The following GRAMD1C variants were observed in gnomAD, a reference collection of about 807,000 sequenced individuals.
The protein encoded by GRAMD1C is protein Aster-C.
In GRAMD1C, 89 loss-of-function variants were observed where a neutral mutation model predicts 97.8. The ratio of observed to expected loss-of-function variants is 0.91; its 90% confidence interval spans 0.77 to 1.09. GRAMD1C has a LOEUF of 1.09. Ranked by LOEUF, GRAMD1C falls within the 50% of genes least tolerant of loss-of-function variation. The pLI is 0.00. For missense variants in GRAMD1C, 740 were observed against 766.4 expected, an observed-to-expected ratio of 0.97 and a Z score of 0.41; for synonymous variants, 256 against 267.0, an observed-to-expected ratio of 0.96 and a Z score of 0.40.
At chr3:113,850,861 GT>G (rs1933869846) in intron 2 of GRAMD1C, 1 of 341,298 alleles carries the variant, frequency 2.9e-6, no homozygotes, top group South Asian at 8.6e-5. Flanking sequence ...GAGTGCAGTG[GT>G]GTGATCTTGG....
chr3:113,900,409 A>AATTATTATT lies in GRAMD1C; in HGVS notation c.541-603_541-595dup, dbSNP rs146979804. Among the ~76,000 whole-genome samples, 1,287 of 137,494 alleles carry AATTATTATT rather than the reference A, an allele frequency of 9.4e-3. 8 individuals are homozygous for AATTATTATT. Among genetic ancestry groups the AATTATTATT allele is most frequent in the African/African-American group, 0.018 (653 of 36,564 alleles). 90.2% of individuals were successfully genotyped at this position (137,494 alleles called of 152,430 possible). A position where few individuals can be genotyped will look rare whatever the true frequency, so the allele number is the denominator to read the frequency against. ...CAGTAATTACCAGAAAGTATGAACA[A>AATTATTATT]ATTATTATTATTATTATTATTATTA... On this transcript the variant is annotated intron_variant, in intron 6 of 17. Coordinates refer to ENST00000358160, the MANE Select transcript of GRAMD1C (RefSeq NM_017577.5).
chr3:113,849,921 G>C (rs1284558649), intron 2 of GRAMD1C, among the ~76,000 whole-genome samples: 1 of 134,502 alleles, frequency 7.4e-6, no homozygotes, highest in Non-Finnish European at 1.7e-5. Context: ...CAGGCGGGGG[G>C]GCTGACCCCC....
At chr3:113,919,509 T>C in intron 10 of GRAMD1C, 1 of 541,296 alleles carries the variant, frequency 1.8e-6, no homozygotes, top group South Asian at 1.4e-5. Context: ...GAACTAGCCT[T>C]ACCTGGAGAA....
chr3:113,869,459 A>G, intron 2 of GRAMD1C, 48 bp from the exon 3 acceptor site: 2 of 869,546 alleles, frequency 2.3e-6, no homozygotes, highest in Non-Finnish European at 3.8e-6. Context: ...ATTTTCTAGG[A>G]CACTATAATT....
At chr3:113,933,188 T>C (rs577347251) in intron 11 of GRAMD1C, among the ~76,000 whole-genome samples, 15 of 152,228 alleles carry the variant, frequency 9.9e-5, no homozygotes, top group African/African-American at 3.4e-4. Context: ...TCTGGCCTAA[T>C]TTTTTATTAA....
At chr3:113,850,539 C>T in intron 2 of GRAMD1C, 1 of 1,597,094 alleles carries the variant, frequency 6.3e-7, no homozygotes, top group East Asian at 2.2e-5. Flanking sequence ...GTAGAAATGT[C>T]TCCAGGCAAA....
intron 1 of GRAMD1C, among the ~76,000 whole-genome samples, chr3:113,832,039 G>GTTTTTTTTTTTT (rs113465428): frequency 3.1e-4 from 47 of 149,512 alleles, no homozygotes; most frequent in African/African-American, 1.1e-3. Flanking sequence ...CAGCAACTTT[G>GTTTTTTTTTTTT]TTTTTTTTGA....
At chr3:113,865,724 C>G (rs928438898) in intron 2 of GRAMD1C, among the ~76,000 whole-genome samples, 2 of 152,160 alleles carry the variant, frequency 1.3e-5, no homozygotes, top group East Asian at 1.9e-4. Context: ...GACCTCCTCA[C>G]TGTATTATCA....
rs1004943824 is a variant in GRAMD1C, at chr3:113,933,418, T to G, written c.1210-93T>G. 9 of 826,878 alleles carry G rather than the reference T, an allele frequency of 1.1e-5. No homozygotes were observed. The African/African-American group carries it at 1.5e-4, about 14-fold the overall frequency. The allele number at this position is 826,878 out of a possible 1,614,324, so 51.2% of individuals were successfully genotyped here. A position where few individuals can be genotyped will look rare whatever the true frequency, so the allele number is the denominator to read the frequency against. ...GGTTTCTCATGTTTTTTGTAATTTT[T>G]GAGAAGGAATACTAATATACATGTT... is the stretch of plus-strand genomic sequence containing the variant. On this transcript the variant is annotated intron_variant, in intron 11 of 17. Coordinates refer to ENST00000358160, the MANE Select transcript of GRAMD1C (RefSeq NM_017577.5).
intron 8 of GRAMD1C, among the ~76,000 whole-genome samples, chr3:113,905,314 T>C (rs1202889584): frequency 6.6e-6 from 1 of 152,244 alleles, no homozygotes; most frequent in Non-Finnish European, 1.5e-5. Flanking sequence ...GCACATTTTG[T>C]ATGTTTTCTG....
chr3:113,843,368 T>C (rs186105864), intron 1 of GRAMD1C, among the ~76,000 whole-genome samples: 160 of 152,164 alleles, frequency 1.1e-3, no homozygotes, highest in African/African-American at 3.8e-3. Flanking sequence ...TGAGTCACTG[T>C]GCCTGGCCCA....
At chr3:113,937,498 T>TCAA (rs1937599053) in intron 14 of GRAMD1C, among the ~76,000 whole-genome samples, 1 of 152,216 alleles carries the variant, frequency 6.6e-6, no homozygotes, top group Non-Finnish European at 1.5e-5. Flanking sequence ...CATGTTGTAT[T>TCAA]GAATTGCTTG....
chr3:113,844,317 A>T (rs560080849), intron 1 of GRAMD1C, among the ~76,000 whole-genome samples, 186 bp from the exon 2 acceptor site: 12 of 152,154 alleles, frequency 7.9e-5, no homozygotes, highest in East Asian at 1.9e-4. Flanking sequence ...ATAAGAATTT[A>T]AAAAAAATAA....
At chr3:113,887,136 C>T (rs1391319773) in intron 6 of GRAMD1C, among the ~76,000 whole-genome samples, 17 of 143,818 alleles carry the variant, frequency 1.2e-4, no homozygotes, top group African/African-American at 4.4e-4. Context: ...CTCTGTCGCC[C>T]AGGCTGGAGT....
intron 17 of GRAMD1C, among the ~76,000 whole-genome samples, chr3:113,944,883 TA>T (rs1559831661): frequency 6.6e-6 from 1 of 152,222 alleles, no homozygotes. Flanking sequence ...TGTCCAGGTG[TA>T]TTGTTAATGA....
intron 17 of GRAMD1C, among the ~76,000 whole-genome samples, chr3:113,943,890 G>A (rs1937932711): frequency 6.6e-6 from 1 of 152,040 alleles, no homozygotes; most frequent in Admixed American, 6.6e-5. Flanking sequence ...CTCCAGCCTG[G>A]GTGAAAGAGC....
intron 2 of GRAMD1C, among the ~76,000 whole-genome samples, chr3:113,845,704 C>A (rs1343213102): frequency 6.6e-6 from 1 of 151,364 alleles, no homozygotes; most frequent in African/African-American, 2.4e-5. Flanking sequence ...GACCCTGTCT[C>A]AAAAAAATAA....
In GRAMD1C at chr3:113,876,240, A is replaced by G. The variant is rs759723166; in HGVS notation, c.439A>G (p.Ile147Val). Residue 147 changes from isoleucine (I) to valine (V), a missense_variant, in exon 5 of 18, where the codon ATA (isoleucine) becomes GTA (valine). Physicochemically the swap from Ile to Val is conservative, Grantham distance 29. Coordinates refer to ENST00000358160, the MANE Select transcript of GRAMD1C (RefSeq NM_017577.5). ...TCGACTCATCCCAAACGCTATCCAG[A>G]TAGTTACAGAAAGTGAAAAGGTGAA... Reference protein sequence around the residue: ...TARLIPNAIQIVTESEKFFFT... With the variant: ...TARLIPNAIQVVTESEKFFFT... 17 of 1,583,778 alleles carry G rather than the reference A, an allele frequency of 1.1e-5. No individual in the cohort carries two copies. The highest frequency in any genetic ancestry group is 2.7e-5 in the African/African-American group (2 of 74,334).
intron 1 of GRAMD1C, among the ~76,000 whole-genome samples, chr3:113,839,731 T>C (rs1709729486): frequency 6.6e-6 from 1 of 152,180 alleles, no homozygotes; most frequent in South Asian, 2.1e-4. Context: ...GATTAGATGG[T>C]GATTAACACA....
Sources: allele counts gnomAD v4.1 joint callset (sites outside exome capture counted in the v4.1 genomes callset), GRCh38; gene constraint gnomAD v4.1.1; transcripts MANE v1.5; gene names NCBI Gene and HGNC (gene_info 2026-07-23, HGNC 2026-07-21).